Variants in DLG2 observed in about 807,000 individuals in gnomAD.
DLG2 encodes the protein disks large homolog 2.
In DLG2, 45 loss-of-function variants were observed where a neutral mutation model predicts 132.5. The ratio of observed to expected loss-of-function variants is 0.34; its 90% CI spans 0.27 to 0.44. The LOEUF (loss-of-function observed/expected upper bound fraction) is 0.44. Ranked by LOEUF, DLG2 falls within the 20% of genes least tolerant of loss-of-function variation. The pLI, the probability that DLG2 is intolerant of heterozygous loss-of-function variation, is 1.00. For synonymous variants in DLG2, 424 were observed against 419.6 expected, an observed-to-expected ratio of 1.01 and a Z score of -0.13; for missense variants, 1,045 against 1,196.9, an observed-to-expected ratio of 0.87 and a Z score of 1.87.
intron 11 of DLG2, among the ~76,000 whole-genome samples, chr11:84,029,465 A>G (rs1383742360): frequency 1.3e-5 from 2 of 152,112 alleles, no homozygotes; most frequent in African/African-American, 4.8e-5. Flanking sequence ...TTAAGGTCAT[A>G]TGCTAAAATG....
intron 14 of DLG2, among the ~76,000 whole-genome samples, chr11:83,934,895 C>T (rs1397403584): frequency 6.6e-6 from 1 of 151,750 alleles, no homozygotes; most frequent in East Asian, 1.9e-4. Context: ...GAAAAGTGAT[C>T]AGTACCTTTT....
chr11:84,555,608 G>C (rs1352729411), intron 6 of DLG2, among the ~76,000 whole-genome samples: 1 of 152,224 alleles, frequency 6.6e-6, no homozygotes, highest in Non-Finnish European at 1.5e-5. Context: ...AGTGCCTACA[G>C]TGGTGATATT....
At chr11:83,962,280 C>A (rs899001297) in intron 14 of DLG2, among the ~76,000 whole-genome samples, 1 of 151,976 alleles carries the variant, frequency 6.6e-6, no homozygotes, top group African/African-American at 2.4e-5. Context: ...TCAGGCCCCA[C>A]GTATATCTGA....
intron 6 of DLG2, among the ~76,000 whole-genome samples, chr11:84,957,059 G>A (rs569534321): frequency 1.3e-5 from 2 of 152,244 alleles, no homozygotes; most frequent in Non-Finnish European, 2.9e-5. Flanking sequence ...ACTGTCCTAA[G>A]AACTATGAAT....
chr11:85,515,981 T>G lies in DLG2; in HGVS notation c.40+82676A>C, dbSNP rs2153167332. Among the ~76,000 whole-genome samples the G allele has an allele frequency of 1.3e-5, 2 of 152,136 alleles. 1 individual carries two copies. The highest frequency in any genetic ancestry group is 6.8e-3 in the Middle Eastern group (2 of 294). On this transcript the variant is annotated intron_variant, in intron 3 of 27. Coordinates refer to ENST00000376104, the MANE Select transcript of DLG2 (RefSeq NM_001142699.3). ...TTTGTCTCCAAATAGCACTAAAAAATTCTGTAATTCACAGAGTGAAATCCC... is the reference window on the plus strand; with the variant it reads ...TTTGTCTCCAAATAGCACTAAAAAAGTCTGTAATTCACAGAGTGAAATCCC...
intron 19 of DLG2, among the ~76,000 whole-genome samples, chr11:83,611,004 T>A (rs2060035664): frequency 6.6e-6 from 1 of 152,204 alleles, no homozygotes; most frequent in African/African-American, 2.4e-5. Flanking sequence ...CAAGTACAGG[T>A]TGCTTAAAAA....
At chr11:84,307,897 G>A (rs2098242503) in intron 7 of DLG2, among the ~76,000 whole-genome samples, 1 of 151,986 alleles carries the variant, frequency 6.6e-6, no homozygotes. Context: ...AAGGCGGCGC[G>A]TCTGGAGTTG....
At chr11:85,417,334 G>A (rs2089953767) in intron 3 of DLG2, among the ~76,000 whole-genome samples, 2 of 152,122 alleles carry the variant, frequency 1.3e-5, no homozygotes, top group South Asian at 2.1e-4. Context: ...TGTGTTGCTG[G>A]ATTTGGTTTG....
chr11:84,840,365 T>C (rs796307842), intron 6 of DLG2, among the ~76,000 whole-genome samples: 12 of 152,154 alleles, frequency 7.9e-5, no homozygotes, highest in African/African-American at 2.4e-4. Flanking sequence ...GATGTGGAGA[T>C]ATAGGAATGC....
intron 6 of DLG2, among the ~76,000 whole-genome samples, chr11:84,851,442 G>A (rs1263364797): frequency 6.6e-6 from 1 of 151,980 alleles, no homozygotes; most frequent in Non-Finnish European, 1.5e-5. Context: ...CACTGGAATT[G>A]AATTCCTGCC....
chr11:84,704,948 T>A (rs1435184784), intron 6 of DLG2, among the ~76,000 whole-genome samples: 1 of 149,306 alleles, frequency 6.7e-6, no homozygotes, highest in Admixed American at 6.7e-5. Flanking sequence ...ATATATATAT[T>A]TTAAATTTAA....
intron 17 of DLG2, among the ~76,000 whole-genome samples, chr11:83,787,312 G>GC (rs1555404115): frequency 2.9e-5 from 2 of 69,616 alleles, no homozygotes; most frequent in Admixed American, 1.3e-4. Context: ...CTTAAGCCTT[G>GC]TTTTTTTTTT....
In DLG2 at chr11:84,331,520, G is replaced by A. The variant is rs190897650; in HGVS notation, c.520-80229C>T. Among the ~76,000 whole-genome samples the A allele has an allele frequency of 2.6e-3, 362 of 141,458 alleles. 1 individual carries two copies. Among genetic ancestry groups the A allele is most frequent in the African/African-American group, 9.0e-3 (351 of 39,038 alleles). The allele number at this position is 141,458 out of a possible 152,430, so 92.8% of individuals were successfully genotyped here. A position where few individuals can be genotyped will look rare whatever the true frequency, so the allele number is the denominator to read the frequency against. ...TTCTACCTTTCTTTTGGTGATGTAA[G>A]TACTTTAAATATTAATCTCTGAGTC... On this transcript the variant is annotated intron_variant, in intron 7 of 27. Transcript: ENST00000376104.
intron 6 of DLG2, among the ~76,000 whole-genome samples, chr11:84,951,448 T>G (rs2050900007): frequency 6.6e-6 from 1 of 152,114 alleles, no homozygotes; most frequent in Non-Finnish European, 1.5e-5. Flanking sequence ...TGTTTGTAAT[T>G]AGGGTAGGAC....
intron 2 of DLG2, among the ~76,000 whole-genome samples, chr11:85,621,084 G>A (rs985931168): frequency 6.6e-6 from 1 of 152,102 alleles, no homozygotes; most frequent in South Asian, 2.1e-4. Context: ...AAATCCTAGG[G>A]TCTTTAAGAA....
At chr11:84,040,404 G>T (rs897486903) in intron 11 of DLG2, among the ~76,000 whole-genome samples, 3 of 151,480 alleles carry the variant, frequency 2.0e-5, no homozygotes, top group Non-Finnish European at 3.0e-5. Context: ...TGTATAATGT[G>T]TAAGGAAGGG....
At chr11:84,821,108 T>C (rs761221655) in intron 6 of DLG2, among the ~76,000 whole-genome samples, 1 of 151,940 alleles carries the variant, frequency 6.6e-6, no homozygotes, top group South Asian at 2.1e-4. Context: ...TAAATTAGTA[T>C]GTTTTAAATT....
In DLG2 at chr11:84,627,192, G is replaced by A. The variant is rs150188156; in HGVS notation, c.358-92461C>T. Among the ~76,000 whole-genome samples the A allele has an allele frequency of 8.5e-5, 13 of 152,170 alleles. No homozygotes were observed. In the South Asian group the frequency reaches 1.7e-3, roughly 19 times the overall value. On this transcript the variant is annotated intron_variant, in intron 6 of 27. Coordinates refer to ENST00000376104, the MANE Select transcript of DLG2 (RefSeq NM_001142699.3). The stretch of plus-strand genomic sequence containing the variant: ...GCCCAATTACACATTCAAAATATCC[G>A]AACACAGTATATTAGCAACCTAACA...
At chr11:84,420,606 C>T (rs111952046) in intron 7 of DLG2, among the ~76,000 whole-genome samples, 15 of 140,246 alleles carry the variant, frequency 1.1e-4, no homozygotes, top group African/African-American at 2.8e-4. Context: ...TTTAATTTGC[C>T]GCTTGTATTT....
Sources: gnomAD v4.1 joint callset for allele counts (sites outside exome capture counted in the v4.1 genomes callset) on GRCh38, gnomAD v4.1.1 for gene constraint, MANE v1.5 for transcripts, NCBI Gene and HGNC (gene_info 2026-07-23, HGNC 2026-07-21) for gene names.